Variants in PACRG observed in about 807,000 individuals in gnomAD.
PACRG encodes parkin coregulated gene protein.
A neutral mutation model predicts 29.7 loss-of-function variants in PACRG; 29 were observed. That is an observed-to-expected ratio of 0.98 (90% CI 0.73 to 1.33). The LOEUF is 1.33. Among genes scored for constraint, PACRG ranks in the 40% most tolerant of loss-of-function variants. The pLI is 0.00. For missense variants in PACRG, 279 were observed against 316.2 expected (o/e 0.88, Z 0.89); for synonymous variants, 116 against 118.7 (o/e 0.98, Z 0.15).
intron 4 of PACRG, among the ~76,000 whole-genome samples, chr6:163,258,706 G>T (rs1260817249): frequency 2.0e-5 from 3 of 149,834 alleles, no homozygotes; most frequent in Non-Finnish European, 4.4e-5. Context: ...GCAGTGAGCC[G>T]AGATGGCGCC....
chr6:163,111,316 T>C (rs1429164198), intron 4 of PACRG, among the ~76,000 whole-genome samples: 1 of 152,192 alleles, frequency 6.6e-6, no homozygotes, highest in Admixed American at 6.5e-5. Context: ...ATCAATGAGA[T>C]TTCCATACCA....
intron 4 of PACRG, among the ~76,000 whole-genome samples, chr6:163,153,299 C>T (rs563864769): frequency 2.0e-5 from 3 of 152,278 alleles, no homozygotes; most frequent in African/African-American, 7.2e-5. Flanking sequence ...TGGAGTGGTG[C>T]CCTGTGAGGG....
intron 4 of PACRG, chr6:163,245,010 C>G (rs1301543025): frequency 2.2e-6 from 1 of 455,390 alleles, no homozygotes; most frequent in Non-Finnish European, 4.4e-6. Flanking sequence ...TGCTCCTTGT[C>G]TTTCTACCAT....
intron 1 of PACRG, among the ~76,000 whole-genome samples, chr6:162,783,933 G>A (rs1784274802): frequency 6.6e-6 from 1 of 151,874 alleles, no homozygotes; most frequent in Admixed American, 6.6e-5. Flanking sequence ...TTGAACATAA[G>A]GATACTATCT....
intron 1 of PACRG, among the ~76,000 whole-genome samples, chr6:162,796,753 A>C (rs1785415127): frequency 6.6e-6 from 1 of 151,170 alleles, no homozygotes; most frequent in Non-Finnish European, 1.5e-5. Flanking sequence ...CTCTCTCTCG[A>C]TTTGTGTTAG....
intron 4 of PACRG, among the ~76,000 whole-genome samples, chr6:163,304,281 A>T (rs1252189679): frequency 2.6e-5 from 4 of 152,154 alleles, no homozygotes; most frequent in African/African-American, 9.7e-5. Context: ...GTAAACAAAG[A>T]ATTGGAATTA....
chr6:163,025,434 C>T (rs774978212), intron 2 of PACRG, among the ~76,000 whole-genome samples: 2 of 152,176 alleles, frequency 1.3e-5, no homozygotes, highest in East Asian at 1.9e-4. Context: ...CATTTCTATA[C>T]GCCAGCAACA....
intron 4 of PACRG, among the ~76,000 whole-genome samples, chr6:163,289,015 A>T (rs1784489702): frequency 6.6e-6 from 1 of 152,202 alleles, no homozygotes; most frequent in Non-Finnish European, 1.5e-5. Flanking sequence ...CAGTCCCTCC[A>T]TCAGCGAGGA....
intron 4 of PACRG, among the ~76,000 whole-genome samples, chr6:163,130,482 G>C (rs1816690752): frequency 6.6e-6 from 1 of 151,988 alleles, no homozygotes; most frequent in South Asian, 2.1e-4. Flanking sequence ...TTGAATGTGT[G>C]TCACCTTTAA....
At chr6:162,934,146 C>A (rs113056230) in intron 2 of PACRG, among the ~76,000 whole-genome samples, 2 of 152,030 alleles carry the variant, frequency 1.3e-5, no homozygotes, top group Admixed American at 1.3e-4. Context: ...CTCCTGTAAT[C>A]GCAGCTACTC....
chr6:162,905,113 A>T, intron 2 of PACRG, among the ~76,000 whole-genome samples: 1 of 152,212 alleles, frequency 6.6e-6, no homozygotes, highest in East Asian at 1.9e-4. Flanking sequence ...CCTTGCCTAC[A>T]TTGGAGCAAC....
chr6:162,752,579 T>C (rs929731817), intron 1 of PACRG, among the ~76,000 whole-genome samples: 29 of 152,182 alleles, frequency 1.9e-4, no homozygotes, highest in African/African-American at 6.8e-4. Context: ...AGGAAACCAA[T>C]GTTTCCCAAA....
At chr6:163,054,569 A>G (rs150289683) in intron 2 of PACRG, among the ~76,000 whole-genome samples, 47 of 152,198 alleles carry the variant, frequency 3.1e-4, no homozygotes, top group African/African-American at 1.1e-3. Context: ...TCGGCTGAAG[A>G]CAGGGTTTTT....
At chr6:163,058,428 A>G (rs1183965811) in intron 2 of PACRG, among the ~76,000 whole-genome samples, 1 of 152,210 alleles carries the variant, frequency 6.6e-6, no homozygotes, top group African/African-American at 2.4e-5. Flanking sequence ...AAGGCAACAT[A>G]TTTGCAATGA....
chr6:162,821,562 A>T (rs1022725879), intron 2 of PACRG, among the ~76,000 whole-genome samples: 1 of 152,176 alleles, frequency 6.6e-6, no homozygotes, highest in African/African-American at 2.4e-5. Flanking sequence ...TGCCAAAGCT[A>T]AGCTGCCACC....
intron 4 of PACRG, among the ~76,000 whole-genome samples, chr6:163,247,912 C>A (rs148110331): frequency 1.2e-3 from 186 of 152,260 alleles, no homozygotes; most frequent in Non-Finnish European, 2.0e-3. Context: ...GTATTAAAAC[C>A]AGGGTCCTTT....
Position 162,989,003 on chromosome 6 carries a change from C to T in PACRG, c.292-73147C>T, listed in dbSNP as rs183031523. Among the ~76,000 whole-genome samples, 456 of 151,994 alleles carry T rather than the reference C, an allele frequency of 3.0e-3. 2 individuals are homozygous for T. Among genetic ancestry groups the T allele is most frequent in the Non-Finnish European group, 3.6e-3 (243 of 68,000 alleles). ...TTTCTCTAAGCATGTATTAGTTATG[C>T]GACGAAAAAATTCAATATACTTTTT... is the stretch of plus-strand genomic sequence containing the variant. On this transcript the variant is annotated intron_variant, in intron 2 of 4. Coordinates refer to ENST00000366888, the MANE Select transcript of PACRG (RefSeq NM_001080379.2).
intron 4 of PACRG, among the ~76,000 whole-genome samples, chr6:163,104,606 A>T (rs926559110): frequency 3.3e-5 from 5 of 152,208 alleles, no homozygotes; most frequent in Admixed American, 6.5e-5. Context: ...GAAAAATAGT[A>T]ACTCGCATGT....
rs184178971 is a variant in PACRG at position 163,214,785 on chromosome 6, C to A, written c.614-100042C>A. On this transcript the variant is annotated intron_variant, in intron 4 of 4. Coordinates refer to ENST00000366888, the MANE Select transcript of PACRG (RefSeq NM_001080379.2). Reference sequence around the variant, plus strand: ...CTTTCTAGTTATTTCTCATTTAACACTGTTGGCTGCCATTTCAATGGCAGT... The same window carrying A: ...CTTTCTAGTTATTTCTCATTTAACAATGTTGGCTGCCATTTCAATGGCAGT... Among the ~76,000 whole-genome samples, 702 of 152,124 alleles carry A rather than the reference C, an allele frequency of 4.6e-3. 7 individuals carry two copies. The highest frequency in any genetic ancestry group is 6.0e-3 in the Non-Finnish European group (405 of 67,974).
Sources: allele counts gnomAD v4.1 joint callset (sites outside exome capture counted in the v4.1 genomes callset), GRCh38; gene constraint gnomAD v4.1.1; transcripts MANE v1.5; gene names NCBI Gene and HGNC (gene_info 2026-07-23, HGNC 2026-07-21).